TMTC2: variants seen among roughly 807,000 people sequenced by gnomAD.
TMTC2 encodes transmembrane O-mannosyltransferase targeting cadherins 2.
A neutral mutation model predicts 82.4 loss-of-function variants in TMTC2; 43 were observed. The observed-to-expected ratio is 0.52, with a 90% CI of 0.41 to 0.67. The LOEUF (loss-of-function observed/expected upper bound fraction) is 0.67. Ranked by LOEUF, TMTC2 falls within the 30% of genes least tolerant of loss-of-function variation. The pLI, the probability that TMTC2 is intolerant of heterozygous loss-of-function variation, is 0.00. For synonymous variants in TMTC2, 408 were observed against 381.9 expected (o/e 1.07, Z -0.80); for missense variants, 919 against 1,012.4 (o/e 0.91, Z 1.25).
At chr12:82,795,512 C>T (rs140428742) in intron 1 of TMTC2, among the ~76,000 whole-genome samples, 18 of 152,130 alleles carry the variant, frequency 1.2e-4, no homozygotes, top group African/African-American at 4.3e-4. Flanking sequence ...GGTTTGTTCA[C>T]ATCCCCTCCA....
At chr12:82,703,820 A>T (rs546851537) in intron 1 of TMTC2, among the ~76,000 whole-genome samples, 2 of 152,296 alleles carry the variant, frequency 1.3e-5, no homozygotes, top group East Asian at 3.9e-4. Context: ...ATCTTTGTGA[A>T]TTGGAACCAG....
At chr12:83,019,695 A>G (rs891313688) in intron 8 of TMTC2, among the ~76,000 whole-genome samples, 1 of 152,104 alleles carries the variant, frequency 6.6e-6, no homozygotes, top group Non-Finnish European at 1.5e-5. Flanking sequence ...TCTTTGCATT[A>G]TCTCTGTTCT....
At chr12:82,850,777 C>G (rs927249324) in intron 1 of TMTC2, among the ~76,000 whole-genome samples, 2 of 151,506 alleles carry the variant, frequency 1.3e-5, no homozygotes, top group African/African-American at 4.9e-5. Flanking sequence ...ATGAAAATAA[C>G]ACAGTGGGCA....
chr12:82,775,149 A>T (rs1877519981), intron 1 of TMTC2, among the ~76,000 whole-genome samples: 1 of 152,062 alleles, frequency 6.6e-6, no homozygotes. Context: ...TTGTGAAATA[A>T]AGATAGAAAC....
chr12:82,980,490 C>A (rs1878868246), intron 7 of TMTC2, among the ~76,000 whole-genome samples: 1 of 151,644 alleles, frequency 6.6e-6, no homozygotes, highest in South Asian at 2.1e-4. Flanking sequence ...GCTTTTCCAG[C>A]AAAGCATCCT....
At chr12:83,061,970 A>T (rs2137473663) in intron 11 of TMTC2, 139 bp downstream of exon 11, 1 of 627,248 alleles carries the variant, frequency 1.6e-6, no homozygotes, top group Admixed American at 3.2e-5. Context: ...TCTCTCTCTG[A>T]GCTCTTATTT....
chr12:82,934,932 A>G (rs1426111198), intron 4 of TMTC2, among the ~76,000 whole-genome samples: 1 of 152,114 alleles, frequency 6.6e-6, no homozygotes, highest in African/African-American at 2.4e-5. Flanking sequence ...GTGAGATGGT[A>G]TCTCATTGTG....
intron 1 of TMTC2, among the ~76,000 whole-genome samples, chr12:82,739,753 C>T (rs138037233): frequency 3.4e-5 from 5 of 148,810 alleles, no homozygotes; most frequent in African/African-American, 1.2e-4. Flanking sequence ...TTAAGGCAAG[C>T]GTCCAAGTTT....
chr12:82,726,831 A>G (rs1222188380), intron 1 of TMTC2, among the ~76,000 whole-genome samples: 3 of 144,096 alleles, frequency 2.1e-5, no homozygotes, highest in Non-Finnish European at 4.5e-5. Flanking sequence ...GTGAGCTGAG[A>G]TGGCGCCACT....
chr12:82,824,858 G>A (rs1186383213), intron 1 of TMTC2, among the ~76,000 whole-genome samples: 3 of 152,110 alleles, frequency 2.0e-5, no homozygotes, highest in Non-Finnish European at 2.9e-5. Context: ...GGAGTCCAAG[G>A]CAGGCAGATC....
chr12:82,852,990 T>A (rs551447017), intron 1 of TMTC2, among the ~76,000 whole-genome samples: 1 of 152,378 alleles, frequency 6.6e-6, no homozygotes, highest in Admixed American at 6.5e-5. Context: ...AATGTCTCCC[T>A]TAGTATAGTA....
At chr12:82,893,151 C>T (rs1192860487) in intron 2 of TMTC2, among the ~76,000 whole-genome samples, 2 of 151,884 alleles carry the variant, frequency 1.3e-5, no homozygotes, top group Admixed American at 6.6e-5. Flanking sequence ...GCAGGTGGAT[C>T]ACGAGGTCAA....
intron 1 of TMTC2, among the ~76,000 whole-genome samples, chr12:82,789,689 A>G (rs1389417205): frequency 6.6e-6 from 1 of 152,200 alleles, no homozygotes; most frequent in Non-Finnish European, 1.5e-5. Context: ...TTAATACTAT[A>G]GGAAGAATCC....
chr12:82,970,783 C>G (rs1232611796), intron 7 of TMTC2, among the ~76,000 whole-genome samples: 1 of 152,142 alleles, frequency 6.6e-6, no homozygotes, highest in Non-Finnish European at 1.5e-5. Context: ...CTGTTTAGTT[C>G]TATCCTATTT....
At position 82,719,045 on chromosome 12, in the gene TMTC2, A is replaced by G. The variant is rs1244336932; in HGVS notation, c.83+31376A>G. The stretch of plus-strand genomic sequence containing the variant: ...TATATAGAGCTTAATACAATTCTAC[A>G]GCTTTAGATGATTTTATATATATAT... On this transcript the variant is annotated intron_variant, in intron 1 of 11. Coordinates refer to ENST00000321196, the MANE Select transcript of TMTC2 (RefSeq NM_152588.3). 2.3e-5 allele frequency among the ~76,000 whole-genome samples: 3 copies of G among 132,846 alleles called. 1 individual carries two copies. In the Admixed American group the frequency reaches 2.3e-4, roughly 10 times the overall value. 87.2% of individuals were successfully genotyped at this position (132,846 alleles called of 152,430 possible). A position where few individuals can be genotyped will look rare whatever the true frequency, so the allele number is the denominator to read the frequency against.
chr12:82,690,330 T>C, intron 1 of TMTC2: 1 of 983,282 alleles, frequency 1.0e-6, no homozygotes, highest in South Asian at 4.7e-5. Context: ...GAAATCCAGT[T>C]CTGTAAGGAG....
intron 1 of TMTC2, among the ~76,000 whole-genome samples, chr12:82,704,767 G>T (rs1873262717): frequency 1.3e-5 from 2 of 151,256 alleles, no homozygotes; most frequent in Non-Finnish European, 2.9e-5. Flanking sequence ...ACAAATTTCT[G>T]TTCTGTATTA....
chr12:82,851,324 G>A (rs140173126), intron 1 of TMTC2, among the ~76,000 whole-genome samples: 6,111 of 152,138 alleles, frequency 0.04, 418 homozygotes, highest in African/African-American at 0.14. Flanking sequence ...CAGCTACTGG[G>A]GAGGCTGAGG....
At chr12:82,826,811 G>A (rs547360531) in intron 1 of TMTC2, among the ~76,000 whole-genome samples, 1 of 152,292 alleles carries the variant, frequency 6.6e-6, no homozygotes, top group South Asian at 2.1e-4. Flanking sequence ...ACAAATCTGT[G>A]AGAACCTTTC....
Sources: allele counts gnomAD v4.1 joint callset (sites outside exome capture counted in the v4.1 genomes callset), GRCh38; gene constraint gnomAD v4.1.1; transcripts MANE v1.5; gene names NCBI Gene and HGNC (gene_info 2026-07-23, HGNC 2026-07-21).